PHF13: variants seen among roughly 807,000 people sequenced by gnomAD.
The protein encoded by PHF13 is PHD zinc finger protein PHF5.
A neutral mutation model predicts 25.8 loss-of-function variants in PHF13; 1 was observed. That is an observed-to-expected ratio of 0.04 (90% CI 0.01 to 0.18). The LOEUF is 0.18. PHF13 is among the 10% of genes least tolerant of loss of function. The pLI, the probability that PHF13 is intolerant of heterozygous loss-of-function variation, is 1.00. For missense variants in PHF13, 306 were observed against 403.2 expected (o/e 0.76, Z 2.06); for synonymous variants, 195 against 162.4 (o/e 1.20, Z -1.53).
At chr1:6,619,079 T>A (rs1267330586) in intron 2 of PHF13, among the ~76,000 whole-genome samples, 2 of 152,258 alleles carry the variant, frequency 1.3e-5, no homozygotes, top group African/African-American at 2.4e-5. Context: ...TCTGCAATAT[T>A]TTGGAATGTC....
chr1:6,616,648 AT>A, intron 1 of PHF13, 108 bp from the exon 2 acceptor site: 3 of 875,682 alleles, frequency 3.4e-6, no homozygotes, highest in East Asian at 2.4e-5. Context: ...ATCTAACGGT[AT>A]TTTTTGAGTG....
chr1:6,617,180 G>A (rs946593091), intron 2 of PHF13, among the ~76,000 whole-genome samples: 3 of 151,876 alleles, frequency 2.0e-5, no homozygotes, highest in South Asian at 2.1e-4. Context: ...CTCCACCCCC[G>A]GGTTCAAGGG....
At chr1:6,614,280 C>T (rs1290913929) in intron 1 of PHF13, among the ~76,000 whole-genome samples, 175 bp downstream of exon 1, 1 of 150,212 alleles carries the variant, frequency 6.7e-6, no homozygotes, top group East Asian at 2.0e-4. Context: ...GCGCTCGGTC[C>T]TCTCCGCCGG....
Position 6,613,932 on chromosome 1 carries a change from C to T in PHF13, c.-135C>T, listed in dbSNP as rs546922922. 17 of 567,980 alleles carry T rather than the reference C, an allele frequency of 3.0e-5. No homozygotes were observed. The South Asian group carries it at 3.3e-4, about 11-fold the overall frequency. The allele number at this position is 567,980 out of a possible 1,614,324, so 35.2% of individuals were successfully genotyped here. A position where few individuals can be genotyped will look rare whatever the true frequency, so the allele number is the denominator to read the frequency against. On this transcript the variant is annotated 5_prime_UTR_variant, in exon 1 of 4. Coordinates refer to ENST00000377648, the MANE Select transcript of PHF13 (RefSeq NM_153812.3). ...AGAAGCGACGCGCTGAGCCCCCCAT[C>T]ACCTCCAGCCCGGGCGACCCCTCCC...
intron 2 of PHF13, among the ~76,000 whole-genome samples, chr1:6,619,032 A>G (rs534832435): frequency 1.2e-4 from 19 of 152,352 alleles, no homozygotes; most frequent in African/African-American, 4.6e-4. Flanking sequence ...CATAGAGTTT[A>G]CTTCACTGCT....
intron 1 of PHF13, among the ~76,000 whole-genome samples, chr1:6,615,188 C>G (rs1641241562): frequency 6.6e-6 from 1 of 151,758 alleles, no homozygotes; most frequent in Non-Finnish European, 1.5e-5. Context: ...GTCCCCGCGC[C>G]GGTGCCTCCC....
Position 6,619,787 on chromosome 1 carries a change from ACCTT to A in PHF13, c.142-15_142-12del. ...TTGTCACCAGTAACTGGAATCTGCC[ACCTT>A]TGTCTTTTTAGGAACTCCCTTTAAG... On this transcript the variant is annotated splice_polypyrimidine_tract_variant and intron_variant, in intron 2 of 3. Transcript: ENST00000377648. 6.4e-7 allele frequency: 1 copy of A among 1,573,136 alleles called. No homozygotes were observed. Among genetic ancestry groups the A allele is most frequent in the Non-Finnish European group, 8.6e-7 (1 of 1,158,390 alleles).
chr1:6,618,629 C>T (rs1641296303), intron 2 of PHF13, among the ~76,000 whole-genome samples: 2 of 152,066 alleles, frequency 1.3e-5, no homozygotes, highest in Admixed American at 1.3e-4. Context: ...GTGGCTAATG[C>T]CTGCTTTCTT....
chr1:6,614,245 C>A, intron 1 of PHF13, 140 bp downstream of exon 1: 1 of 653,388 alleles, frequency 1.5e-6, no homozygotes, highest in Non-Finnish European at 2.6e-6. Context: ...CCCGGGAGCC[C>A]AACCCCCGCC....
chr1:6,616,720 T>G (rs1488778655), intron 1 of PHF13, 37 bp from the exon 2 acceptor site: 2 of 1,559,450 alleles, frequency 1.3e-6, no homozygotes, highest in African/African-American at 2.7e-5. Context: ...TGGAAGCCTC[T>G]CCTTCAAACA....
Position 6,616,757 on chromosome 1 carries a change from G to A in PHF13, c.40G>A (p.Glu14Lys), listed in dbSNP as rs1641267568. Residue 14 changes from glutamate to lysine, a missense_variant and splice_region_variant, in exon 2 of 4, where the codon GAA becomes AAA. Glu to Lys is a moderately conservative substitution (Grantham distance 56). This residue lies in a region of PHF13 where 31 missense variants were observed against 23.9 expected (regional missense o/e 1.30). Coordinates refer to ENST00000377648, the MANE Select transcript of PHF13 (RefSeq NM_153812.3). ...DSCAAAFHPE[E>K]YSPSCKRRRT... ...ATTCCCTTTTCTCTCCCCTTAATAG[G>A]AATACTCCCCCAGTTGCAAGAGGCG... 1 of 1,613,030 alleles carries A rather than the reference G, an allele frequency of 6.2e-7. No individual in the cohort carries two copies. The highest frequency in any genetic ancestry group is 1.3e-5 in the African/African-American group (1 of 74,866).
At position 6,613,800 on chromosome 1, in the gene PHF13, C is replaced by T. The variant is rs1641206800; in HGVS notation, c.-267C>T. ...GAGCCGGTCGGGTTCCCGCTCACCGCCGCCGCCGCCGCCCCCTGCAGCCAC... is the reference window on the plus strand; with the variant it reads ...GAGCCGGTCGGGTTCCCGCTCACCGTCGCCGCCGCCGCCCCCTGCAGCCAC... On this transcript the variant is annotated 5_prime_UTR_variant, in exon 1 of 4. Transcript: ENST00000377648. The T allele has an allele frequency of 5.0e-6, 2 of 398,154 alleles. No individual in the cohort carries two copies. The highest frequency in any genetic ancestry group is 9.0e-6 in the Non-Finnish European group (2 of 221,788). 24.7% of individuals were successfully genotyped at this position (398,154 alleles called of 1,614,324 possible).
At position 6,621,730 on chromosome 1, in the gene PHF13, T is replaced by G; in HGVS notation, c.*93T>G. ...TAGTTGAGCACAGAACCCTCAGCTC[T>G]GGTGCGGGCAGATCCCTGCCATTTA... On this transcript the variant is annotated 3_prime_UTR_variant, in exon 4 of 4. Coordinates refer to ENST00000377648, the MANE Select transcript of PHF13 (RefSeq NM_153812.3). This position sits in a 1 kb window ranked among gnomAD's most constrained non-coding sequence, Gnocchi z 4.8. The G allele has an allele frequency of 1.6e-6, 2 of 1,268,410 alleles. No homozygotes were observed. Among genetic ancestry groups the G allele is most frequent in the Non-Finnish European group, 2.2e-6 (2 of 892,692 alleles). The allele number at this position is 1,268,410 out of a possible 1,614,324, so 78.6% of individuals were successfully genotyped here.
Position 6,621,291 on chromosome 1 carries a change from C to T in PHF13, c.677-120C>T, listed in dbSNP as rs1641336054. On this transcript the variant is annotated intron_variant, in intron 3 of 3. Coordinates refer to ENST00000377648, the MANE Select transcript of PHF13 (RefSeq NM_153812.3). This position sits in a 1 kb window ranked among gnomAD's most constrained non-coding sequence, Gnocchi z 4.8. ...GTGCCTTTTCAGAGAGAAGTGTCAG[C>T]TTCGAGTGGCAGTTGGAAGTGTTCT... 9.6e-7 allele frequency: 1 copy of T among 1,041,226 alleles called. No individual in the cohort carries two copies. The highest frequency in any genetic ancestry group is 1.4e-6 in the Non-Finnish European group (1 of 697,028). The allele number at this position is 1,041,226 out of a possible 1,614,324, so 64.5% of individuals were successfully genotyped here. A position where few individuals can be genotyped will look rare whatever the true frequency, so the allele number is the denominator to read the frequency against.
intron 2 of PHF13, among the ~76,000 whole-genome samples, chr1:6,619,442 C>T (rs1316920101): frequency 4.6e-5 from 7 of 151,950 alleles, no homozygotes; most frequent in African/African-American, 1.2e-4. Flanking sequence ...CGGGTTCAAG[C>T]GATTCTCCTG....
chr1:6,617,984 G>A (rs1028915502), intron 2 of PHF13, among the ~76,000 whole-genome samples: 6 of 152,304 alleles, frequency 3.9e-5, no homozygotes, highest in Non-Finnish European at 8.8e-5. Context: ...CCCGAAATGC[G>A]TATGATTGTC....
At chr1:6,617,066 T>C (rs1328359209) in intron 2 of PHF13, among the ~76,000 whole-genome samples, 1 of 152,236 alleles carries the variant, frequency 6.6e-6, no homozygotes, top group Non-Finnish European at 1.5e-5. Flanking sequence ...GTAAAAACTC[T>C]GGTAGAAAAT....
chr1:6,614,897 CGCGG>C (rs1384558835), intron 1 of PHF13, among the ~76,000 whole-genome samples: 2 of 150,806 alleles, frequency 1.3e-5, no homozygotes, highest in Admixed American at 6.6e-5. Context: ...GTCCGGCGAC[CGCGG>C]GCGGGTGGGG....
intron 1 of PHF13, among the ~76,000 whole-genome samples, chr1:6,615,990 C>G (rs914818025): frequency 6.7e-6 from 1 of 148,944 alleles, no homozygotes; most frequent in Admixed American, 6.7e-5. Flanking sequence ...ACTCCAGGGT[C>G]CAGGTCTCCG....
Sources: allele counts gnomAD v4.1 joint callset (sites outside exome capture counted in the v4.1 genomes callset), GRCh38; gene constraint gnomAD v4.1.1; regional missense constraint gnomAD v4.1.1; non-coding constraint Gnocchi (gnomAD v3.1); transcripts MANE v1.5; gene names NCBI Gene and HGNC (gene_info 2026-07-23, HGNC 2026-07-21).